The following HS3ST4 variants were observed in gnomAD, a reference collection of about 807,000 sequenced individuals.
HS3ST4 encodes the protein heparan sulfate glucosamine 3-O-sulfotransferase 4.
In HS3ST4, 17 loss-of-function variants were observed where a neutral mutation model predicts 29.2. The observed-to-expected ratio is 0.58, with a 90% CI of 0.40 to 0.87. The LOEUF (loss-of-function observed/expected upper bound fraction) is 0.87, where lower values mean the gene tolerates loss of function less well. Among genes scored for constraint, HS3ST4 ranks in the 40% least tolerant of loss-of-function variants. The pLI, the probability that HS3ST4 is intolerant of heterozygous loss-of-function variation, is 0.00. For missense variants in HS3ST4, 627 were observed against 634.5 expected, an observed-to-expected ratio of 0.99 and a Z score of 0.13; for synonymous variants, 314 against 285.7, an observed-to-expected ratio of 1.10 and a Z score of -1.00.
chr16:25,901,530 G>A (rs1031115300), intron 1 of HS3ST4, among the ~76,000 whole-genome samples: 5 of 152,156 alleles, frequency 3.3e-5, no homozygotes, highest in African/African-American at 1.2e-4. Flanking sequence ...AATTAGCCAG[G>A]CGTGGTGGCT....
At chr16:25,938,236 G>T (rs1283527987) in intron 1 of HS3ST4, among the ~76,000 whole-genome samples, 1 of 152,166 alleles carries the variant, frequency 6.6e-6, no homozygotes, top group Non-Finnish European at 1.5e-5. Context: ...CATAATTCTG[G>T]ACACACAGGA....
At chr16:25,932,508 T>C (rs1434834030) in intron 1 of HS3ST4, among the ~76,000 whole-genome samples, 1 of 152,194 alleles carries the variant, frequency 6.6e-6, no homozygotes, top group African/African-American at 2.4e-5. Flanking sequence ...TCAAGTCTAG[T>C]TGAGACCTTC....
intron 1 of HS3ST4, among the ~76,000 whole-genome samples, chr16:25,920,820 G>A (rs1259998739): frequency 6.6e-6 from 1 of 151,934 alleles, no homozygotes; most frequent in African/African-American, 2.4e-5. Flanking sequence ...GTTTCACCAT[G>A]TTGCCCAGGC....
intron 1 of HS3ST4, among the ~76,000 whole-genome samples, chr16:25,999,888 ATATATATTT>A (rs1171046186): frequency 1.0e-4 from 13 of 126,138 alleles, no homozygotes; most frequent in African/African-American, 4.3e-4. Flanking sequence ...TATATTATAT[ATATATATTT>A]TATATATATA....
rs573905862 is a variant in HS3ST4 at position 26,046,735 on chromosome 16, G to C, written c.735-88877G>C. 7.9e-5 allele frequency among the ~76,000 whole-genome samples: 12 copies of C among 152,218 alleles called. No homozygotes were observed. The East Asian group carries it at 2.1e-3, about 27-fold the overall frequency. On this transcript the variant is annotated intron_variant, in intron 1 of 1. Coordinates refer to ENST00000331351, the MANE Select transcript of HS3ST4 (RefSeq NM_006040.3). ...TGTGTATATATATATATATGTGTGT[G>C]TGTGTATGTGTGTAAACATTACACA...
Position 26,136,051 on chromosome 16 carries a change from AAGG to A in HS3ST4, c.1175_1177del (p.Lys392_Gly393delinsArg). ...GAAGCATTTCTATTTCAACAAAACC[AAGG>A]GGTTCCCTTGCCTAAAGAAGCCAGA... On this transcript the variant is annotated inframe_deletion, in exon 2 of 2. Transcript: ENST00000331351. 1 of 1,613,888 alleles carries A rather than the reference AAGG, an allele frequency of 6.2e-7. No individual in the cohort carries two copies. The highest frequency in any genetic ancestry group is 8.5e-7 in the Non-Finnish European group (1 of 1,179,856).
chr16:25,933,278 C>T (rs998897046), intron 1 of HS3ST4: 8 of 458,006 alleles, frequency 1.7e-5, no homozygotes, highest in South Asian at 7.8e-5. Flanking sequence ...GATTGGCTGC[C>T]GAGAGGTTTC....
Position 26,078,491 on chromosome 16 carries a change from G to A in HS3ST4, c.735-57121G>A, listed in dbSNP as rs572324350. On this transcript the variant is annotated intron_variant, in intron 1 of 1. Coordinates refer to ENST00000331351, the MANE Select transcript of HS3ST4 (RefSeq NM_006040.3). ...TTAAAGAAATAGACCCATGCACATG[G>A]CCCAAATCCTAAATGTGTATTTATT... Among the ~76,000 whole-genome samples the A allele has an allele frequency of 9.2e-5, 14 of 152,252 alleles. 1 individual carries two copies. In the South Asian group the frequency reaches 2.7e-3, roughly 29 times the overall value.
At chr16:25,738,911 C>T (rs986621949) in intron 1 of HS3ST4, among the ~76,000 whole-genome samples, 2 of 152,202 alleles carry the variant, frequency 1.3e-5, no homozygotes, top group Non-Finnish European at 2.9e-5. Flanking sequence ...ATTGACTTGG[C>T]TATTCAGGGT....
intron 1 of HS3ST4, among the ~76,000 whole-genome samples, chr16:25,874,962 A>G (rs887483814): frequency 6.6e-5 from 10 of 152,184 alleles, no homozygotes; most frequent in African/African-American, 2.4e-4. Flanking sequence ...TATTAAAAGA[A>G]TTAAACACAA....
chr16:25,775,044 G>T (rs147717799), intron 1 of HS3ST4, among the ~76,000 whole-genome samples: 58 of 152,320 alleles, frequency 3.8e-4, no homozygotes, highest in African/African-American at 1.2e-3. Flanking sequence ...GGGCCTTGGT[G>T]ACTGAGTCGC....
intron 1 of HS3ST4, among the ~76,000 whole-genome samples, chr16:25,777,254 A>G (rs1433687773): frequency 6.6e-6 from 1 of 152,206 alleles, no homozygotes; most frequent in Admixed American, 6.5e-5. Flanking sequence ...TTGTTTTTCT[A>G]AACTTCTGCT....
At chr16:25,719,355 C>G (rs1427413864) in intron 1 of HS3ST4, among the ~76,000 whole-genome samples, 1 of 152,158 alleles carries the variant, frequency 6.6e-6, no homozygotes, top group African/African-American at 2.4e-5. Flanking sequence ...GAAACTTGAT[C>G]TAAATAAGAA....
intron 1 of HS3ST4, among the ~76,000 whole-genome samples, chr16:26,036,186 C>T (rs544147237): frequency 1.6e-4 from 25 of 152,186 alleles, no homozygotes; most frequent in Non-Finnish European, 2.8e-4. Context: ...ACATGTGTAC[C>T]AACTTTATTT....
chr16:26,016,406 A>G (rs778618090), intron 1 of HS3ST4, among the ~76,000 whole-genome samples: 1 of 152,302 alleles, frequency 6.6e-6, no homozygotes, highest in South Asian at 2.1e-4. Flanking sequence ...CACGTAGTAA[A>G]GAAGCTTTTC....
intron 1 of HS3ST4, among the ~76,000 whole-genome samples, chr16:25,840,970 GTTTGTTTA>G (rs71385578): frequency 0.15 from 19,129 of 128,636 alleles, 1,235 homozygotes; most frequent in African/African-American, 0.2. Flanking sequence ...ATTTATATTT[GTTTGTTTA>G]TTTATTTATT....
chr16:25,723,476 AG>A (rs1966510377), intron 1 of HS3ST4, among the ~76,000 whole-genome samples: 1 of 152,222 alleles, frequency 6.6e-6, no homozygotes, highest in African/African-American at 2.4e-5. Flanking sequence ...AGTACTGTTC[AG>A]GGTTCTAGGA....
chr16:25,709,759 C>G (rs77767863), intron 1 of HS3ST4, among the ~76,000 whole-genome samples: 1 of 151,984 alleles, frequency 6.6e-6, no homozygotes, highest in Non-Finnish European at 1.5e-5. Context: ...GTCTCTAAAC[C>G]TAAGATGTGT....
intron 1 of HS3ST4, among the ~76,000 whole-genome samples, chr16:26,084,706 G>A (rs779133742): frequency 2.6e-5 from 4 of 152,004 alleles, no homozygotes; most frequent in East Asian, 1.9e-4. Context: ...ACTCCTGGGC[G>A]CAAACCAAGC....
Sources: allele counts gnomAD v4.1 joint callset (sites outside exome capture counted in the v4.1 genomes callset), GRCh38; gene constraint gnomAD v4.1.1; transcripts MANE v1.5; gene names NCBI Gene and HGNC (gene_info 2026-07-23, HGNC 2026-07-21).